SKIC3: variants seen among roughly 807,000 people sequenced by gnomAD.
The protein encoded by SKIC3 is SKI3 subunit of superkiller complex.
chr5:95,472,568 G>A, the SKIC3 span, among the ~76,000 whole-genome samples: 3 of 151,870 alleles, frequency 2.0e-5, no homozygotes, highest in Non-Finnish European at 4.4e-5. Flanking sequence ...GGGAAAATGG[G>A]TGAGGCAACA....
chr5:95,474,485 T>C, the SKIC3 span, among the ~76,000 whole-genome samples: 16 of 152,206 alleles, frequency 1.1e-4, no homozygotes, highest in Non-Finnish European at 1.9e-4. Context: ...TCTGCAGAGG[T>C]CTGCTGCTAG....
chr5:95,483,654 A>G, the SKIC3 span, among the ~76,000 whole-genome samples: 3 of 152,218 alleles, frequency 2.0e-5, no homozygotes, highest in Admixed American at 6.5e-5. Flanking sequence ...CACAACCTCC[A>G]TGGTAAGCAA....
chr5:95,516,588 T>C, the SKIC3 span: 1 of 1,613,180 alleles, frequency 6.2e-7, no homozygotes, highest in Non-Finnish European at 8.5e-7. Context: ...TTCCAATACC[T>C]GAAAAATACA....
chr5:95,498,695 G>A, the SKIC3 span: 6 of 1,065,816 alleles, frequency 5.6e-6, no homozygotes, highest in African/African-American at 3.2e-5. Context: ...GCACCATCTC[G>A]GCTCACTGCA....
chr5:95,471,081 T>C, the SKIC3 span, among the ~76,000 whole-genome samples: 1 of 152,148 alleles, frequency 6.6e-6, no homozygotes, highest in Non-Finnish European at 1.5e-5. Flanking sequence ...TAGCAATTTG[T>C]ATAATCAAGT....
chr5:95,490,068 ATTAAT>A, the SKIC3 span, among the ~76,000 whole-genome samples: 2 of 152,192 alleles, frequency 1.3e-5, no homozygotes, highest in Non-Finnish European at 2.9e-5. Flanking sequence ...TAATCTATTT[ATTAAT>A]TTAAGTAGGT....
chr5:95,482,376 G>T, the SKIC3 span: 1 of 1,286,264 alleles, frequency 7.8e-7, no homozygotes. Flanking sequence ...TGGTGAGAGT[G>T]ACAGCAAGCC....
the SKIC3 span, chr5:95,515,111 TG>T: frequency 1.8e-6 from 1 of 550,530 alleles, no homozygotes; most frequent in Non-Finnish European, 3.3e-6. Context: ...GGAACACTCC[TG>T]GGTGCAACAG....
At chr5:95,516,820 G>A in the SKIC3 span, 1 of 1,574,598 alleles carries the variant, frequency 6.4e-7, no homozygotes, top group Non-Finnish European at 8.7e-7. Context: ...GATATATGTG[G>A]TTTTATGTGA....
At chr5:95,464,943 T>TTTTTTTA in the SKIC3 span, among the ~76,000 whole-genome samples, 1 of 130,232 alleles carries the variant, frequency 7.7e-6, no homozygotes, top group Non-Finnish European at 1.7e-5. Flanking sequence ...TTTTTTTTTT[T>TTTTTTTA]GGACGGAATC....
At chr5:95,469,857 C>T in the SKIC3 span, 1 of 1,614,116 alleles carries the variant, frequency 6.2e-7, no homozygotes, top group Non-Finnish European at 8.5e-7. Context: ...GCTTCAAGGC[C>T]TCAGTTGTAG....
the SKIC3 span, chr5:95,529,259 C>T: frequency 2.8e-6 from 2 of 721,580 alleles, no homozygotes; most frequent in African/African-American, 1.8e-5. Flanking sequence ...ATTCATTCCC[C>T]ACCATACATT....
chr5:95,515,633 T>A, the SKIC3 span, among the ~76,000 whole-genome samples: 1 of 152,136 alleles, frequency 6.6e-6, no homozygotes. Context: ...TAAAAAAAGT[T>A]CACGTATTTT....
the SKIC3 span, chr5:95,516,928 C>T: frequency 1.2e-5 from 19 of 1,603,524 alleles, no homozygotes; most frequent in Non-Finnish European, 1.5e-5. Flanking sequence ...GTAAAGATTT[C>T]TCCAGCAACT....
At chr5:95,485,910 C>T in the SKIC3 span, among the ~76,000 whole-genome samples, 13 of 152,214 alleles carry the variant, frequency 8.5e-5, no homozygotes, top group African/African-American at 2.6e-4. Flanking sequence ...GGAGTGAGGT[C>T]GTCTGCTCGG....
the SKIC3 span, chr5:95,506,948 G>A: frequency 3.1e-4 from 502 of 1,613,036 alleles, no homozygotes; most frequent in East Asian, 2.5e-3. Flanking sequence ...ACAATCTGCC[G>A]TAATTTCTTA....
At chr5:95,467,955 G>A in the SKIC3 span, 2 of 1,613,480 alleles carry the variant, frequency 1.2e-6, no homozygotes, top group Non-Finnish European at 1.7e-6. Context: ...TACCCAGGCT[G>A]ATATACCACT....
At chr5:95,521,984 C>A in the SKIC3 span, 1 of 1,596,144 alleles carries the variant, frequency 6.3e-7, no homozygotes. Context: ...TACATTTAGG[C>A]AGGAAATCTA....
the SKIC3 span, among the ~76,000 whole-genome samples, chr5:95,503,269 G>A: frequency 7.8e-3 from 1,194 of 152,234 alleles, 7 homozygotes; most frequent in Non-Finnish European, 0.012. Context: ...CTAGGTCACT[G>A]TCTTTACGAG....
Sources: allele counts gnomAD v4.1 joint callset (sites outside exome capture counted in the v4.1 genomes callset), GRCh38; gene constraint gnomAD v4.1.1; transcripts MANE v1.5; gene names NCBI Gene and HGNC (gene_info 2026-07-23, HGNC 2026-07-21).